The following DAB1 variants were observed in gnomAD, a reference collection of about 807,000 sequenced individuals.
DAB1 encodes disabled homolog 1.
In DAB1, 15 loss-of-function variants were observed where a neutral mutation model predicts 64.6. The observed-to-expected ratio is 0.23, with a 90% CI of 0.16 to 0.36. DAB1 has a LOEUF of 0.36. Among genes scored for constraint, DAB1 ranks in the 10% least tolerant of loss-of-function variants. The pLI is 1.00. For missense variants in DAB1, 596 were observed against 706.7 expected (o/e 0.84, Z 1.78); for synonymous variants, 235 against 251.9 (o/e 0.93, Z 0.64).
intron 2 of DAB1, among the ~76,000 whole-genome samples, chr1:57,277,832 G>A (rs975322625): frequency 1.3e-5 from 2 of 152,132 alleles, no homozygotes; most frequent in Non-Finnish European, 2.9e-5. Flanking sequence ...ATAAGATTCA[G>A]GTCTGCCATT....
At chr1:58,513,025 T>A (rs907517533) in intron 2 of DAB1, among the ~76,000 whole-genome samples, 3 of 152,146 alleles carry the variant, frequency 2.0e-5, no homozygotes, top group African/African-American at 7.2e-5. Context: ...ACTAAGAACT[T>A]ATTAAGCAAC....
intron 7 of DAB1, among the ~76,000 whole-genome samples, chr1:57,637,369 G>A (rs576128950): frequency 3.3e-5 from 5 of 152,294 alleles, no homozygotes; most frequent in Admixed American, 3.3e-4. Flanking sequence ...GGGAATCGTG[G>A]AATCCCAGGG....
intron 1 of DAB1, among the ~76,000 whole-genome samples, chr1:57,414,950 G>A (rs1684380285): frequency 6.6e-6 from 1 of 152,068 alleles, no homozygotes. Context: ...CAGTCTATAA[G>A]TTTGATAAAA....
Position 56,995,430 on chromosome 1 carries a change from T to C in DAB1, c.*2714A>G, listed in dbSNP as rs561088986. On this transcript the variant is annotated 3_prime_UTR_variant, in exon 15 of 15. Transcript: ENST00000371236. The stretch of plus-strand genomic sequence containing the variant: ...AATCAGAATTCTGCCAATGAGAATA[T>C]GGATGGCAGTTGAAAAACTTGACTT... 4 of 152,234 alleles carry C rather than the reference T, an allele frequency of 2.6e-5. No homozygotes were observed. The highest frequency in any genetic ancestry group is 5.9e-5 in the Non-Finnish European group (4 of 68,046). The allele number at this position is 152,234 out of a possible 1,614,324, so 9.4% of individuals were successfully genotyped here.
At chr1:57,386,060 C>T in intron 1 of DAB1, among the ~76,000 whole-genome samples, 1 of 152,074 alleles carries the variant, frequency 6.6e-6, no homozygotes, top group Non-Finnish European at 1.5e-5. Flanking sequence ...GTGACTGTTT[C>T]TGCAGGATAA....
intron 1 of DAB1, among the ~76,000 whole-genome samples, chr1:57,359,970 C>T (rs1336098491): frequency 6.6e-6 from 1 of 151,834 alleles, no homozygotes; most frequent in Non-Finnish European, 1.5e-5. Context: ...CAATATTGGT[C>T]AAATTATACA....
At chr1:58,287,381 A>G (rs542902397) in intron 4 of DAB1, among the ~76,000 whole-genome samples, 1 of 152,158 alleles carries the variant, frequency 6.6e-6, no homozygotes, top group Non-Finnish European at 1.5e-5. Flanking sequence ...TCACAGTTCT[A>G]TGCATTAACT....
intron 6 of DAB1, among the ~76,000 whole-genome samples, chr1:57,722,712 C>G (rs1020013513): frequency 4.6e-5 from 7 of 152,152 alleles, no homozygotes; most frequent in Admixed American, 6.5e-5. Context: ...GATTGGAGCA[C>G]TCATACGTGA....
chr1:57,885,274 G>A (rs1039180763), upstream of DAB1, among the ~76,000 whole-genome samples: 13 of 152,082 alleles, frequency 8.5e-5, no homozygotes, highest in African/African-American at 2.7e-4. Flanking sequence ...TATTATAATT[G>A]TCATTAAAAA....
chr1:57,217,469 A>G (rs191280660), intron 2 of DAB1, among the ~76,000 whole-genome samples: 1 of 152,276 alleles, frequency 6.6e-6, no homozygotes, highest in African/African-American at 2.4e-5. Context: ...GTGTTATCAT[A>G]GTCTCCAACT....
rs1471745672 is a variant in DAB1 at position 57,072,366 on chromosome 1, C to T, written c.355G>A (p.Asp119Asn). Residue 119 changes from aspartate (D) to asparagine (N), a missense_variant, in exon 5 of 15, where the codon GAC (aspartate) becomes AAC (asparagine). Physicochemically the swap from Asp to Asn is conservative, Grantham distance 23. Coordinates refer to ENST00000371236, the MANE Select transcript of DAB1 (RefSeq NM_001365792.1). Reference protein sequence around the residue: ...AVHEISYIAKDITDHRAFGYV... With the variant: ...AVHEISYIAKNITDHRAFGYV... ...CCAAAGGCCCGGTGATCTGTAATGT[C>T]CTTTGCAATGTAGGATATTTCATGA... 1 of 1,613,668 alleles carries T rather than the reference C, an allele frequency of 6.2e-7. No homozygotes were observed. The highest frequency in any genetic ancestry group is 8.5e-7 in the Non-Finnish European group (1 of 1,179,788).
chr1:57,735,523 G>T (rs1239810359), intron 6 of DAB1, among the ~76,000 whole-genome samples: 2 of 150,468 alleles, frequency 1.3e-5, no homozygotes, highest in Non-Finnish European at 2.9e-5. Context: ...TGCCTCTCTA[G>T]TAAGAAGCTT....
At chr1:57,553,410 G>GAA (rs879761183) in intron 7 of DAB1, among the ~76,000 whole-genome samples, 63,612 of 85,268 alleles carry the variant, frequency 0.75, 25,498 homozygotes, top group Middle Eastern at 0.88. Flanking sequence ...AAGAAAGAAA[G>GAA]AAAGAAAGAA....
intron 7 of DAB1, among the ~76,000 whole-genome samples, chr1:57,636,384 G>T (rs1646057874): frequency 6.6e-6 from 1 of 152,134 alleles, no homozygotes; most frequent in Non-Finnish European, 1.5e-5. Flanking sequence ...AAGCAGACTG[G>T]TACACCATGC....
At chr1:58,126,687 C>T (rs1469785365) in intron 5 of DAB1, among the ~76,000 whole-genome samples, 1 of 150,916 alleles carries the variant, frequency 6.6e-6, no homozygotes, top group African/African-American at 2.4e-5. Context: ...CAATTCCCAC[C>T]TAGGAGTGAG....
chr1:57,968,074 C>T (rs570238439), intron 5 of DAB1, among the ~76,000 whole-genome samples: 3 of 152,042 alleles, frequency 2.0e-5, no homozygotes, highest in African/African-American at 7.2e-5. Context: ...TCAGCAGATG[C>T]CGAAATATTG....
intron 4 of DAB1, among the ~76,000 whole-genome samples, chr1:57,132,549 T>G (rs1026764839): frequency 1.3e-5 from 2 of 152,182 alleles, no homozygotes; most frequent in African/African-American, 2.4e-5. Context: ...CCTGACATGA[T>G]GCTCAAAGGA....
At chr1:58,058,903 CAAAAT>C (rs1648314959) in intron 5 of DAB1, among the ~76,000 whole-genome samples, 1 of 152,180 alleles carries the variant, frequency 6.6e-6, no homozygotes, top group Non-Finnish European at 1.5e-5. Context: ...GAACACAACA[CAAAAT>C]AAAAGGAAGG....
At chr1:57,498,858 A>T (rs1644258657) in intron 7 of DAB1, among the ~76,000 whole-genome samples, 1 of 152,220 alleles carries the variant, frequency 6.6e-6, no homozygotes, top group Non-Finnish European at 1.5e-5. Flanking sequence ...ACATCTTTCA[A>T]AAGACATGTT....
Sources: allele counts gnomAD v4.1 joint callset (sites outside exome capture counted in the v4.1 genomes callset), GRCh38; gene constraint gnomAD v4.1.1; transcripts MANE v1.5; gene names NCBI Gene and HGNC (gene_info 2026-07-23, HGNC 2026-07-21).